TMOD2: variants seen among roughly 807,000 people sequenced by gnomAD.
TMOD2 encodes tropomodulin-2.
Under a neutral mutation model 39.9 loss-of-function variants are expected in TMOD2, and 22 were observed. That is an observed-to-expected ratio of 0.55 (90% confidence interval 0.39 to 0.79). The LOEUF (loss-of-function observed/expected upper bound fraction) is 0.79, where lower values mean the gene tolerates loss of function less well. Among genes scored for constraint, TMOD2 ranks in the 30% least tolerant of loss-of-function variants. TMOD2 has a pLI of 0.00. For missense variants in TMOD2, 386 were observed against 413.3 expected (o/e 0.93, Z 0.57); for synonymous variants, 123 against 146.1 (o/e 0.84, Z 1.14).
At position 51,815,787 on chromosome 15, in the gene TMOD2, A is replaced by G. The variant is rs2056185242; in HGVS notation, c.*7333A>G. 6.6e-6 allele frequency: 1 copy of G among 152,252 alleles called. No individual in the cohort carries two copies. The highest frequency in any genetic ancestry group is 6.5e-5 in the Admixed American group (1 of 15,286). 9.4% of individuals were successfully genotyped at this position (152,252 alleles called of 1,614,324 possible). A position where few individuals can be genotyped will look rare whatever the true frequency, so the allele number is the denominator to read the frequency against. ...TAAGCAGCATTTTTCATTGCACTTA[A>G]AAATGTAAAATACCTGCATGCCACT... is the stretch of plus-strand genomic sequence containing the variant. On this transcript the variant is annotated 3_prime_UTR_variant, in exon 10 of 10. Transcript: ENST00000249700.
chr15:51,791,495 G>GA (rs1320416266), intron 7 of TMOD2, among the ~76,000 whole-genome samples: 2 of 152,116 alleles, frequency 1.3e-5, no homozygotes, highest in Admixed American at 6.5e-5. Flanking sequence ...CACAGAATTG[G>GA]AAAAAACTAC....
intron 7 of TMOD2, among the ~76,000 whole-genome samples, chr15:51,785,613 T>TA (rs202237487): frequency 1.7e-3 from 252 of 149,940 alleles, no homozygotes; most frequent in Non-Finnish European, 2.5e-3. Flanking sequence ...ATGTAGGAGC[T>TA]AAAAAAAAAG....
intron 2 of TMOD2, chr15:51,767,006 C>T (rs1444327794): frequency 6.6e-6 from 1 of 151,104 alleles, no homozygotes; most frequent in Non-Finnish European, 1.5e-5. Flanking sequence ...GGTATTTAAA[C>T]CAGGTTTTTA....
intron 5 of TMOD2, among the ~76,000 whole-genome samples, chr15:51,777,244 G>A (rs1463224631): frequency 1.3e-5 from 2 of 152,164 alleles, no homozygotes; most frequent in Non-Finnish European, 2.9e-5. Flanking sequence ...TTCTTGGTAG[G>A]TCTGTTTAGT....
chr15:51,802,842 T>A (rs2056098642), intron 8 of TMOD2, among the ~76,000 whole-genome samples: 1 of 152,170 alleles, frequency 6.6e-6, no homozygotes, highest in Non-Finnish European at 1.5e-5. Flanking sequence ...AATACCACAT[T>A]GTGTTAAGTT....
chr15:51,805,114 A>T (rs1260878603), intron 8 of TMOD2, among the ~76,000 whole-genome samples: 1 of 151,682 alleles, frequency 6.6e-6, no homozygotes, highest in Admixed American at 6.6e-5. Context: ...GCATGCCACC[A>T]TGCCCAGCAA....
rs2055831378 is a variant in TMOD2 at position 51,768,428 on chromosome 15, A to G, written c.283+10A>G. Reference sequence around the variant, plus strand: ...ACTGGAGAAAAGAAAGGTAAGGACCACAGGCAGAGCATCTTGGAACAGAGG... The same window carrying G: ...ACTGGAGAAAAGAAAGGTAAGGACCGCAGGCAGAGCATCTTGGAACAGAGG... On this transcript the variant is annotated intron_variant, in intron 3 of 9. Transcript: ENST00000249700. 1 of 1,611,394 alleles carries G rather than the reference A, an allele frequency of 6.2e-7. No homozygotes were observed. The highest frequency in any genetic ancestry group is 8.5e-7 in the Non-Finnish European group (1 of 1,179,186).
intron 7 of TMOD2, among the ~76,000 whole-genome samples, chr15:51,788,216 C>T (rs1362707543): frequency 2.0e-5 from 3 of 152,028 alleles, no homozygotes; most frequent in African/African-American, 4.8e-5. Context: ...ACAAGAACTT[C>T]GTAAAGCATA....
chr15:51,774,747 T>G (rs2055876089), intron 4 of TMOD2, among the ~76,000 whole-genome samples: 1 of 152,136 alleles, frequency 6.6e-6, no homozygotes, highest in African/African-American at 2.4e-5. Context: ...CCACTGGTCT[T>G]AGCCCTGGGG....
chr15:51,798,330 T>C lies in TMOD2; in HGVS notation c.866T>C (p.Ile289Thr). 1 of 1,613,616 alleles carries C rather than the reference T, an allele frequency of 6.2e-7. No homozygotes were observed. Among genetic ancestry groups the C allele is most frequent in the Non-Finnish European group, 8.5e-7 (1 of 1,179,890 alleles). ...KENDTLTEIKIDNQRQQLGTA... is the reference protein window; with the variant it reads ...KENDTLTEIKTDNQRQQLGTA... ...AATGACACCTTGACAGAAATCAAGA[T>C]TGACAACCAGGTAAGGAAGGCCAGA... Residue 289 changes from isoleucine to threonine, a missense_variant, in exon 8 of 10, where the codon ATT becomes ACT. Coordinates refer to ENST00000249700, the MANE Select transcript of TMOD2 (RefSeq NM_014548.4).
At position 51,808,750 on chromosome 15, in the gene TMOD2, G is replaced by C. The variant is rs956574941; in HGVS notation, c.*296G>C. ...AACCACTTTCTTATTGGGTTGTCTT[G>C]CTTTCTTACATGAACTTGTTTTTTT... On this transcript the variant is annotated 3_prime_UTR_variant, in exon 10 of 10. Coordinates refer to ENST00000249700, the MANE Select transcript of TMOD2 (RefSeq NM_014548.4). The C allele has an allele frequency of 1.1e-5, 3 of 282,510 alleles. No individual in the cohort carries two copies. In the Admixed American group the frequency reaches 1.5e-4, roughly 14 times the overall value. The allele number at this position is 282,510 out of a possible 1,614,324, so 17.5% of individuals were successfully genotyped here.
chr15:51,766,748 T>C, intron 2 of TMOD2, 181 bp downstream of exon 2: 1 of 498,152 alleles, frequency 2.0e-6, no homozygotes, highest in Non-Finnish European at 3.5e-6. Context: ...CACTACAGTG[T>C]GATACAGCAA....
At chr15:51,795,567 TTGCTTGCTTGCTTTCTTTCTTTCTTTC>T (rs1166049732) in intron 7 of TMOD2, among the ~76,000 whole-genome samples, 4 of 27,638 alleles carry the variant, frequency 1.4e-4, no homozygotes, top group Non-Finnish European at 2.7e-4. Context: ...TCTCTTCTGC[TTGCTTGCTTGCTTTCTTTCTTTCTTTC>T]TTTCTTTCTT....
chr15:51,754,577 A>G (rs1279412973), intron 1 of TMOD2, among the ~76,000 whole-genome samples: 1 of 152,250 alleles, frequency 6.6e-6, no homozygotes, highest in Non-Finnish European at 1.5e-5. Context: ...GTATACATGA[A>G]AATACTAATT....
At chr15:51,782,420 G>C (rs1026835066) in intron 6 of TMOD2, among the ~76,000 whole-genome samples, 1 of 152,178 alleles carries the variant, frequency 6.6e-6, no homozygotes, top group Non-Finnish European at 1.5e-5. Flanking sequence ...AGTCTGGCTA[G>C]AATACAGAGT....
At chr15:51,785,775 A>G (rs995088412) in intron 7 of TMOD2, among the ~76,000 whole-genome samples, 4 of 152,186 alleles carry the variant, frequency 2.6e-5, no homozygotes, top group African/African-American at 9.7e-5. Context: ...ATAAATTTCA[A>G]AATAGCTAGA....
chr15:51,777,105 C>A, intron 5 of TMOD2, 87 bp downstream of exon 5: 1 of 1,080,024 alleles, frequency 9.3e-7, no homozygotes, highest in Non-Finnish European at 1.4e-6. Context: ...GTCTTGCAGG[C>A]TTTACACTCT....
At chr15:51,769,594 G>A (rs1418692588) in intron 3 of TMOD2, among the ~76,000 whole-genome samples, 1 of 152,172 alleles carries the variant, frequency 6.6e-6, no homozygotes, top group Non-Finnish European at 1.5e-5. Context: ...CTCCTCCTTA[G>A]CTCCCGACCC....
intron 3 of TMOD2, 108 bp downstream of exon 3, chr15:51,768,526 G>C: frequency 8.6e-7 from 1 of 1,156,176 alleles, no homozygotes; most frequent in South Asian, 1.6e-5. Context: ...TTGTCGTGGA[G>C]GATCAAGCAA....
Sources: allele counts gnomAD v4.1 joint callset (sites outside exome capture counted in the v4.1 genomes callset), GRCh38; gene constraint gnomAD v4.1.1; transcripts MANE v1.5; gene names NCBI Gene and HGNC (gene_info 2026-07-23, HGNC 2026-07-21).